TARBP1: variants seen among roughly 807,000 people sequenced by gnomAD.
TARBP1 encodes tRNA guanosine 2 -O-methyltransferase TARBP1, also known as tRNA (guanosine(18)-2'-O)-methyltransferase TARBP1.
Under a neutral mutation model 178.6 loss-of-function variants are expected in TARBP1, and 144 were observed. The observed-to-expected ratio is 0.81, with a 90% CI of 0.70 to 0.93. TARBP1 has a LOEUF of 0.93. Ranked by LOEUF, TARBP1 falls within the 40% of genes least tolerant of loss-of-function variation. The pLI is 0.00. For missense variants in TARBP1, 2,067 were observed against 2,011.7 expected (o/e 1.03, Z -0.53); for synonymous variants, 787 against 781.0 (o/e 1.01, Z -0.13).
Position 234,433,564 on chromosome 1 carries a change from T to C in TARBP1, c.2240A>G (p.Asp747Gly). 1 of 1,609,296 alleles carries C rather than the reference T, an allele frequency of 6.2e-7. No homozygotes were observed. Among genetic ancestry groups the C allele is most frequent in the Non-Finnish European group, 8.5e-7 (1 of 1,178,984 alleles). Residue 747 changes from aspartate (D) to glycine (G), a missense_variant, in exon 14 of 30, where the codon GAT becomes GGT. Physicochemically the swap from Asp to Gly is moderately conservative, Grantham distance 94. Coordinates refer to ENST00000040877, the MANE Select transcript of TARBP1 (RefSeq NM_005646.4). ...CAGGTATAAATGGCAACGATCCAGA[T>C]CTGAAACCTAAGACAAGGATTAAAA... Reference protein sequence around the residue: ...LTMNELNSVSDLDRCHLYLMV... With the variant: ...LTMNELNSVSGLDRCHLYLMV...
intron 9 of TARBP1, among the ~76,000 whole-genome samples, chr1:234,455,881 T>C (rs1667221079): frequency 6.7e-6 from 1 of 148,826 alleles, no homozygotes; most frequent in South Asian, 2.1e-4. Flanking sequence ...CAAAACAAAA[T>C]GGGGAAAGGA....
chr1:234,444,963 T>G (rs1665995804), intron 12 of TARBP1, among the ~76,000 whole-genome samples: 1 of 152,134 alleles, frequency 6.6e-6, no homozygotes, highest in Non-Finnish European at 1.5e-5. Context: ...CAACTTCTCG[T>G]TCCTCACCAC....
Position 234,465,662 on chromosome 1 carries a change from T to C in TARBP1, c.1295A>G (p.Tyr432Cys). The change falls in exon 5 of 30, where the codon TAT (tyrosine) becomes TGT (cysteine). Residue 432 changes from tyrosine (Y) to cysteine (C), a missense_variant. Tyr to Cys is a radical substitution (Grantham distance 194). Coordinates refer to ENST00000040877, the MANE Select transcript of TARBP1 (RefSeq NM_005646.4). Reference protein sequence around the residue: ...LMDALSESSLYSRSPGQPIGS... With the variant: ...LMDALSESSLCSRSPGQPIGS... ...TAACATAATGTCTCTTTACCTGCTA[T>C]ACAGAGAGCTCTCTGAAAGCGCATC... The C allele has an allele frequency of 1.3e-6, 2 of 1,570,622 alleles. No homozygotes were observed. The highest frequency in any genetic ancestry group is 2.0e-5 in the Admixed American group (1 of 49,682).
chr1:234,470,972 T>C (rs1668993430), intron 3 of TARBP1, among the ~76,000 whole-genome samples: 1 of 152,104 alleles, frequency 6.6e-6, no homozygotes, highest in African/African-American at 2.4e-5. Context: ...ATAGTTATTA[T>C]GCTAAGTGAG....
At chr1:234,443,397 G>C (rs1665800744) in intron 12 of TARBP1, among the ~76,000 whole-genome samples, 1 of 151,876 alleles carries the variant, frequency 6.6e-6, no homozygotes, top group African/African-American at 2.4e-5. Context: ...TAGTCAAAAA[G>C]CAATCACAGT....
intron 22 of TARBP1, 52 bp downstream of exon 22, chr1:234,418,032 T>G (rs369534674): frequency 2.0e-5 from 22 of 1,083,690 alleles, no homozygotes; most frequent in Admixed American, 1.1e-4. Context: ...CTCCCAGCAT[T>G]GTCAAAATCA....
At chr1:234,395,771 C>T (rs1175041344) in intron 26 of TARBP1, among the ~76,000 whole-genome samples, 1 of 152,042 alleles carries the variant, frequency 6.6e-6, no homozygotes, top group Non-Finnish European at 1.5e-5. Flanking sequence ...AGACTGGGCC[C>T]GTGAAAACCT....
intron 28 of TARBP1, 161 bp from the exon 29 acceptor site, chr1:234,392,713 C>CA: frequency 1.2e-5 from 4 of 340,734 alleles, no homozygotes; most frequent in Non-Finnish European, 2.0e-5. Flanking sequence ...ACATCAATTT[C>CA]TTTTTTTTTT....
Position 234,401,276 on chromosome 1 carries a change from A to C in TARBP1, c.3990-14T>G. The C allele has an allele frequency of 6.2e-7, 1 of 1,601,214 alleles. No homozygotes were observed. Among genetic ancestry groups the C allele is most frequent in the Non-Finnish European group, 8.5e-7 (1 of 1,170,228 alleles). ...TTCTTGGCATTCCTAAGGATTAAAA[A>C]TATGGTATGAGCCACAGACAAATGA... On this transcript the variant is annotated splice_polypyrimidine_tract_variant and intron_variant, in intron 24 of 29. Coordinates refer to ENST00000040877, the MANE Select transcript of TARBP1 (RefSeq NM_005646.4).
chr1:234,474,508 T>A (rs183994516), intron 1 of TARBP1, among the ~76,000 whole-genome samples: 2 of 152,108 alleles, frequency 1.3e-5, no homozygotes. Context: ...AGCACAAGGA[T>A]GAAAATAGAC....
chr1:234,429,917 G>A (rs1003578114), intron 15 of TARBP1, among the ~76,000 whole-genome samples, 170 bp downstream of exon 15: 1 of 152,196 alleles, frequency 6.6e-6, no homozygotes, highest in African/African-American at 2.4e-5. Flanking sequence ...ACTAGATGCA[G>A]AAAAGTCAGC....
At chr1:234,432,135 C>CAA (rs72281584) in intron 14 of TARBP1, among the ~76,000 whole-genome samples, 2 of 94,352 alleles carry the variant, frequency 2.1e-5, no homozygotes, top group East Asian at 2.4e-4. Flanking sequence ...ACTCCGTCTC[C>CAA]AAAAAAAAAA....
chr1:234,471,358 C>G, intron 2 of TARBP1, 101 bp from the exon 3 acceptor site: 1 of 759,002 alleles, frequency 1.3e-6, no homozygotes, highest in South Asian at 1.8e-5. Flanking sequence ...TCTGTTTCTA[C>G]AAAACATATG....
intron 22 of TARBP1, among the ~76,000 whole-genome samples, chr1:234,416,768 G>C (rs1199553983): frequency 1.3e-5 from 2 of 152,182 alleles, no homozygotes; most frequent in African/African-American, 2.4e-5. Context: ...ACATCAGAAA[G>C]GGGAGCCAAT....
Position 234,393,469 on chromosome 1 carries a change from C to G in TARBP1, c.4453G>C (p.Glu1485Gln), listed in dbSNP as rs1659609403. ...ACGAGCACTGAAGCCCCAAATACCT[C>G]ACAGGTCCTGCACAGTCCTGCACAG... is the stretch of plus-strand genomic sequence containing the variant. Reference protein sequence around the residue: ...TNLGGLCRTCEVFGASVLVVG... With the variant: ...TNLGGLCRTCQVFGASVLVVG... The change falls in exon 28 of 30, where the codon GAG (glutamate) becomes CAG (glutamine). Residue 1485 changes from glutamate (E) to glutamine (Q), a missense_variant. Glu to Gln is a conservative substitution (Grantham distance 29, BLOSUM62 2). Transcript: ENST00000040877. The G allele has an allele frequency of 6.2e-7, 1 of 1,605,336 alleles. No homozygotes were observed. Among genetic ancestry groups the G allele is most frequent in the African/African-American group, 1.3e-5 (1 of 74,420 alleles).
At chr1:234,445,173 C>G (rs760844786) in intron 12 of TARBP1, among the ~76,000 whole-genome samples, 3 of 152,140 alleles carry the variant, frequency 2.0e-5, no homozygotes, top group Non-Finnish European at 4.4e-5. Context: ...GGATCCCACC[C>G]TCCTCCCGGA....
chr1:234,451,904 T>C (rs1427300326), intron 9 of TARBP1, among the ~76,000 whole-genome samples: 4 of 152,168 alleles, frequency 2.6e-5, no homozygotes, highest in Admixed American at 2.0e-4. Context: ...GATATTATTG[T>C]CTAACAGTGA....
At chr1:234,451,054 A>T (rs1666707037) in intron 9 of TARBP1, among the ~76,000 whole-genome samples, 1 of 152,232 alleles carries the variant, frequency 6.6e-6, no homozygotes, top group Admixed American at 6.5e-5. Flanking sequence ...TTTAAGTTAT[A>T]ATCAAAGTTC....
chr1:234,400,308 C>T, intron 25 of TARBP1: 1 of 152,070 alleles, frequency 6.6e-6, no homozygotes, highest in East Asian at 1.9e-4. Flanking sequence ...AGATGCCGGA[C>T]AAAGCATTCT....
Sources: gnomAD v4.1 joint callset for allele counts (sites outside exome capture counted in the v4.1 genomes callset) on GRCh38, gnomAD v4.1.1 for gene constraint, MANE v1.5 for transcripts, NCBI Gene and HGNC (gene_info 2026-07-23, HGNC 2026-07-21) for gene names.